MYO1D: variants seen among roughly 807,000 people sequenced by gnomAD.
MYO1D encodes the protein myosin ID.
In MYO1D, 83 loss-of-function variants were observed where a neutral mutation model predicts 122.0. The ratio of observed to expected loss-of-function variants is 0.68; its 90% CI spans 0.57 to 0.82. MYO1D has a LOEUF of 0.82. Ranked by LOEUF, MYO1D falls within the 40% of genes least tolerant of loss-of-function variation. The pLI is 0.00. For synonymous variants in MYO1D, 464 were observed against 446.9 expected (o/e 1.04, Z -0.48); for missense variants, 1,157 against 1,269.5 (o/e 0.91, Z 1.35).
rs1909022909 is a variant in MYO1D at position 32,494,714 on chromosome 17, G to A, written c.*45C>T. 1.3e-6 allele frequency: 2 copies of A among 1,537,086 alleles called. No individual in the cohort carries two copies. The highest frequency in any genetic ancestry group is 1.7e-6 in the Non-Finnish European group (2 of 1,143,690). On this transcript the variant is annotated 3_prime_UTR_variant, in exon 22 of 22. Coordinates refer to ENST00000318217, the MANE Select transcript of MYO1D (RefSeq NM_015194.3). ...GAGGCAGCAGCTGGACTGGGACCCA[G>A]GACTCGGAGTGTGGCCGGGCTCCGG...
intron 20 of MYO1D, among the ~76,000 whole-genome samples, chr17:32,633,678 A>G (rs1473031215): frequency 5.9e-5 from 9 of 151,598 alleles, no homozygotes; most frequent in African/African-American, 1.7e-4. Context: ...GCTATTACAC[A>G]TTTCCAGCCC....
chr17:32,791,874 T>C (rs1399213700), intron 1 of MYO1D, among the ~76,000 whole-genome samples: 1 of 152,206 alleles, frequency 6.6e-6, no homozygotes, highest in African/African-American at 2.4e-5. Context: ...CTCTTTCCTA[T>C]ACCTTCCCTC....
intron 20 of MYO1D, among the ~76,000 whole-genome samples, chr17:32,628,581 T>C (rs2087958977): frequency 6.6e-6 from 1 of 152,214 alleles, no homozygotes; most frequent in Non-Finnish European, 1.5e-5. Context: ...CTTTGTCTCC[T>C]GAAAACAAAC....
chr17:32,708,085 CCTT>C (rs2089330656), intron 16 of MYO1D, among the ~76,000 whole-genome samples: 2 of 152,284 alleles, frequency 1.3e-5, no homozygotes, highest in Admixed American at 1.3e-4. Context: ...TCCTGTGAAT[CCTT>C]CTAGTGAATC....
At chr17:32,634,769 GA>G (rs2088074525) in intron 20 of MYO1D, among the ~76,000 whole-genome samples, 1 of 152,292 alleles carries the variant, frequency 6.6e-6, no homozygotes, top group African/African-American at 2.4e-5. Context: ...ATTGGAGTGG[GA>G]GTAGCTGGGA....
At chr17:32,801,492 G>A (rs900177615) in intron 1 of MYO1D, among the ~76,000 whole-genome samples, 2 of 152,174 alleles carry the variant, frequency 1.3e-5, no homozygotes, top group African/African-American at 2.4e-5. Flanking sequence ...ATGGCAGGGG[G>A]AGTGGAAATT....
At chr17:32,671,688 T>C (rs2088724038) in intron 16 of MYO1D, among the ~76,000 whole-genome samples, 1 of 152,174 alleles carries the variant, frequency 6.6e-6, no homozygotes, top group Non-Finnish European at 1.5e-5. Context: ...TATATAAAAA[T>C]TGAAAATGAT....
At chr17:32,759,660 T>C (rs1001900392) in intron 10 of MYO1D, among the ~76,000 whole-genome samples, 4 of 152,166 alleles carry the variant, frequency 2.6e-5, no homozygotes, top group African/African-American at 9.6e-5. Flanking sequence ...AAACAAGTCA[T>C]GCCTTTTAGC....
chr17:32,834,041 G>A (rs995519769), intron 1 of MYO1D, among the ~76,000 whole-genome samples: 2 of 152,048 alleles, frequency 1.3e-5, no homozygotes, highest in African/African-American at 2.4e-5. Context: ...CTCCATGAAG[G>A]CTTGCATTTT....
chr17:32,694,781 T>C (rs1346571112), intron 16 of MYO1D, among the ~76,000 whole-genome samples: 1 of 151,090 alleles, frequency 6.6e-6, no homozygotes, highest in Admixed American at 6.6e-5. Flanking sequence ...AACTGCTTGC[T>C]GGTCATCTCT....
At chr17:32,798,160 T>C (rs1432856741) in intron 1 of MYO1D, among the ~76,000 whole-genome samples, 1 of 152,222 alleles carries the variant, frequency 6.6e-6, no homozygotes, top group East Asian at 1.9e-4. Flanking sequence ...AAAGTTATTG[T>C]TTGACTATTG....
chr17:32,734,198 T>G (rs1024870755), intron 14 of MYO1D, among the ~76,000 whole-genome samples: 1 of 152,224 alleles, frequency 6.6e-6, no homozygotes, highest in Non-Finnish European at 1.5e-5. Context: ...TTAAGGTTAC[T>G]GATATATTCA....
At chr17:32,719,209 A>C (rs1389184376) in intron 15 of MYO1D, among the ~76,000 whole-genome samples, 3 of 152,180 alleles carry the variant, frequency 2.0e-5, no homozygotes, top group Non-Finnish European at 4.4e-5. Flanking sequence ...AATCCATGAG[A>C]GAGTCTTGTC....
chr17:32,750,054 T>C (rs1026073089), intron 11 of MYO1D, among the ~76,000 whole-genome samples: 1 of 152,198 alleles, frequency 6.6e-6, no homozygotes, highest in Non-Finnish European at 1.5e-5. Flanking sequence ...CTCTCTTATG[T>C]ACATGGAGGC....
intron 1 of MYO1D, among the ~76,000 whole-genome samples, chr17:32,833,074 T>C (rs1476698676): frequency 1.3e-5 from 2 of 152,176 alleles, no homozygotes; most frequent in Admixed American, 1.3e-4. Flanking sequence ...AACCCAAATC[T>C]CAGAACTGTA....
intron 13 of MYO1D, among the ~76,000 whole-genome samples, chr17:32,741,215 T>C (rs1050891259): frequency 2.9e-5 from 4 of 138,650 alleles, no homozygotes; most frequent in African/African-American, 1.1e-4. Flanking sequence ...GCGACTGGGA[T>C]ACCACTTCTA....
chr17:32,571,886 T>C (rs2087232763), intron 21 of MYO1D, among the ~76,000 whole-genome samples: 1 of 152,230 alleles, frequency 6.6e-6, no homozygotes, highest in Non-Finnish European at 1.5e-5. Flanking sequence ...CTTTTGTGCT[T>C]GCTTTAAATT....
intron 1 of MYO1D, among the ~76,000 whole-genome samples, chr17:32,797,445 G>A (rs575352140): frequency 3.9e-5 from 6 of 152,232 alleles, no homozygotes; most frequent in South Asian, 2.1e-4. Context: ...CCAAAGTTTC[G>A]CTTTTCGTGG....
intron 21 of MYO1D, among the ~76,000 whole-genome samples, chr17:32,565,704 T>C (rs1260112020): frequency 6.8e-6 from 1 of 147,024 alleles, no homozygotes; most frequent in Non-Finnish European, 1.5e-5. Flanking sequence ...TGAAGGTCAA[T>C]TCCACACACC....
Sources: gnomAD v4.1 joint callset for allele counts (sites outside exome capture counted in the v4.1 genomes callset) on GRCh38, gnomAD v4.1.1 for gene constraint, MANE v1.5 for transcripts, NCBI Gene and HGNC (gene_info 2026-07-23, HGNC 2026-07-21) for gene names.